Variants in TLK1 observed in about 807,000 individuals in gnomAD.
TLK1 encodes tousled like kinase 1.
TLK1 carries 24 observed loss-of-function variants against 105.3 expected under a neutral mutation model. The ratio of observed to expected loss-of-function variants is 0.23; its 90% confidence interval spans 0.17 to 0.32. The LOEUF (loss-of-function observed/expected upper bound fraction) is 0.32. TLK1 is among the 10% of genes least tolerant of loss of function. The pLI is 1.00. For synonymous variants in TLK1, 321 were observed against 310.4 expected, an observed-to-expected ratio of 1.03 and a Z score of -0.36; for missense variants, 558 against 910.5, an observed-to-expected ratio of 0.61 and a Z score of 4.98.
intron 1 of TLK1, among the ~76,000 whole-genome samples, chr2:171,171,099 CA>C (rs1692717370): frequency 6.6e-6 from 1 of 152,102 alleles, no homozygotes; most frequent in South Asian, 2.1e-4. Context: ...TTAAGTTAGG[CA>C]AAGGTTTCTT....
At chr2:170,994,571 A>G (rs1683962011) in intron 20 of TLK1, 1 of 312,984 alleles carries the variant, frequency 3.2e-6, no homozygotes, top group Non-Finnish European at 6.6e-6. Context: ...GAAGTGTAAC[A>G]CATTTTTAGA....
intron 1 of TLK1, among the ~76,000 whole-genome samples, chr2:171,186,830 C>G (rs549004103): frequency 6.6e-6 from 1 of 151,886 alleles, no homozygotes; most frequent in East Asian, 1.9e-4. Context: ...GAGGCCGAGA[C>G]GGGTGGATCA....
chr2:171,081,574 A>T, intron 3 of TLK1: 2 of 1,108,434 alleles, frequency 1.8e-6, no homozygotes, highest in Non-Finnish European at 2.4e-6. Context: ...AAGGCTTAGT[A>T]TAAGTATGTT....
At chr2:171,197,485 C>T (rs750291724) in intron 1 of TLK1, among the ~76,000 whole-genome samples, 4 of 152,118 alleles carry the variant, frequency 2.6e-5, no homozygotes, top group Non-Finnish European at 5.9e-5. Flanking sequence ...ATCAGAATCA[C>T]TTGGAGCATC....
At chr2:171,139,509 G>A (rs1486997054) in intron 1 of TLK1, among the ~76,000 whole-genome samples, 11 of 152,010 alleles carry the variant, frequency 7.2e-5, no homozygotes, top group South Asian at 2.1e-4. Flanking sequence ...CAGGAGAATC[G>A]CTTGAATCTG....
intron 4 of TLK1, among the ~76,000 whole-genome samples, chr2:171,059,609 C>T (rs568058139): frequency 7.8e-4 from 119 of 152,174 alleles, no homozygotes; most frequent in African/African-American, 2.6e-3. Flanking sequence ...CTCTGTTGGT[C>T]CTAACTAGTT....
At chr2:170,994,755 TTTGA>T (rs1559329406) in intron 20 of TLK1, 2 of 506,396 alleles carry the variant, frequency 3.9e-6, no homozygotes, top group Non-Finnish European at 7.9e-6. Context: ...ATAGTTGAGT[TTTGA>T]TTGTTTGAAT....
intron 3 of TLK1, among the ~76,000 whole-genome samples, chr2:171,080,587 T>C (rs1688707003): frequency 7.1e-6 from 1 of 140,308 alleles, no homozygotes; most frequent in Non-Finnish European, 1.5e-5. Context: ...TAATAGTAAT[T>C]ATTTCTTTGA....
rs1683851305 is a variant in TLK1 at position 170,993,018 on chromosome 2, A to G, written c.*762T>C. On this transcript the variant is annotated 3_prime_UTR_variant, in exon 21 of 21. Coordinates refer to ENST00000431350, the MANE Select transcript of TLK1 (RefSeq NM_012290.5). The stretch of plus-strand genomic sequence containing the variant: ...AACAAAAGAAAAATACCTGTTATCA[A>G]TTCTAACGTGTTGAAAACACTGGCA... 6.6e-6 allele frequency: 1 copy of G among 152,662 alleles called. No individual in the cohort carries two copies. Among genetic ancestry groups the G allele is most frequent in the African/African-American group, 2.4e-5 (1 of 41,478 alleles). 9.5% of individuals were successfully genotyped at this position (152,662 alleles called of 1,614,324 possible).
chr2:171,030,067 T>C (rs926008568), intron 11 of TLK1, among the ~76,000 whole-genome samples: 1 of 152,128 alleles, frequency 6.6e-6, no homozygotes, highest in Non-Finnish European at 1.5e-5. Context: ...TTTAAAAGAA[T>C]AGCTCTTATC....
chr2:171,082,344 C>A (rs996361739), intron 3 of TLK1, among the ~76,000 whole-genome samples: 1 of 151,644 alleles, frequency 6.6e-6, no homozygotes, highest in Non-Finnish European at 1.5e-5. Flanking sequence ...TGAAAACCAG[C>A]AGCATGATTC....
chr2:171,066,561 T>A (rs1433260890), intron 3 of TLK1, among the ~76,000 whole-genome samples: 13 of 152,212 alleles, frequency 8.5e-5, no homozygotes, highest in Admixed American at 8.5e-4. Context: ...TTAAAACAAT[T>A]ATTTTATGCT....
Position 171,160,379 on chromosome 2 carries a change from G to A in TLK1, c.50C>T (p.Ser17Phe). 6.2e-7 allele frequency: 1 copy of A among 1,606,102 alleles called. No individual in the cohort carries two copies. The stretch of plus-strand genomic sequence containing the variant: ...CGGGGTTGGAGACGTGGAGAGCTGG[G>A]ACCAAGATGGCGGCCCCTCCAAACT... The part of the protein sequence containing the change: ...SGSLEGPPSW[S>F]QLSTSPTPGS... The change falls in exon 1 of 21, where the codon TCC (serine) becomes TTC (phenylalanine). Residue 17 changes from serine (S) to phenylalanine (F), a missense_variant. This residue lies in a region of TLK1 where 104 missense variants were observed against 116.0 expected (regional missense o/e 0.90). Coordinates refer to ENST00000431350, the MANE Select transcript of TLK1 (RefSeq NM_012290.5). The surrounding 1 kb of genome is among the most constrained non-coding windows in gnomAD (Gnocchi z 4.4).
intron 1 of TLK1, among the ~76,000 whole-genome samples, chr2:171,147,959 C>G (rs148017122): frequency 0.016 from 2,404 of 151,470 alleles, 61 homozygotes; most frequent in African/African-American, 0.052. Context: ...GGTGCAATCT[C>G]GGCTCACTGC....
chr2:171,147,767 T>C (rs912247596), intron 1 of TLK1, among the ~76,000 whole-genome samples: 3 of 152,212 alleles, frequency 2.0e-5, no homozygotes, highest in Non-Finnish European at 2.9e-5. Flanking sequence ...GCTTTCATCA[T>C]CTTAGTGCCT....
rs182062291 is a variant in TLK1 at position 171,052,307 on chromosome 2, G to A, written c.732+1454C>T. 4.1e-4 allele frequency among the ~76,000 whole-genome samples: 62 copies of A among 152,142 alleles called. 1 individual carries two copies. The highest frequency in any genetic ancestry group is 3.5e-3 in the Admixed American group (54 of 15,280). ...GACCAAAAAACCTTGAGAAATAACTGGTATTATACAGTAAAATGGAAAATG... is the reference window on the plus strand; with the variant it reads ...GACCAAAAAACCTTGAGAAATAACTAGTATTATACAGTAAAATGGAAAATG... On this transcript the variant is annotated intron_variant, in intron 8 of 20. Coordinates refer to ENST00000431350, the MANE Select transcript of TLK1 (RefSeq NM_012290.5).
At chr2:171,067,765 C>G (rs1423318161) in intron 3 of TLK1, among the ~76,000 whole-genome samples, 1 of 152,006 alleles carries the variant, frequency 6.6e-6, no homozygotes, top group Non-Finnish European at 1.5e-5. Flanking sequence ...CTCCCTCAGC[C>G]CCCACCTCAA....
At chr2:171,161,039 G>C (rs187801589), upstream of TLK1, 447 of 158,104 alleles carry the variant, frequency 2.8e-3, 4 homozygotes, top group African/African-American at 9.9e-3. Flanking sequence ...CAGGGGCTGG[G>C]GGGTGGGGGC....
chr2:170,997,916 C>T (rs1684140495), intron 18 of TLK1, 93 bp from the exon 19 acceptor site: 2 of 672,994 alleles, frequency 3.0e-6, no homozygotes, highest in Non-Finnish European at 5.0e-6. Flanking sequence ...GAATTTTATT[C>T]ATATATAAAC....
Sources: gnomAD v4.1 joint callset for allele counts (sites outside exome capture counted in the v4.1 genomes callset) on GRCh38, gnomAD v4.1.1 for gene constraint, gnomAD v4.1.1 regional missense constraint, Gnocchi (gnomAD v3.1) non-coding constraint, MANE v1.5 for transcripts, NCBI Gene and HGNC (gene_info 2026-07-23, HGNC 2026-07-21) for gene names.